JMJD1C: variants seen among roughly 807,000 people sequenced by gnomAD.
The protein encoded by JMJD1C is jumonji domain-containing protein 1C.
Under a neutral mutation model 245.3 loss-of-function variants are expected in JMJD1C, and 31 were observed. That is an observed-to-expected ratio of 0.13 (90% CI 0.09 to 0.17). The LOEUF (loss-of-function observed/expected upper bound fraction) is 0.17, where lower values mean the gene tolerates loss of function less well. Among genes scored for constraint, JMJD1C ranks in the 10% least tolerant of loss-of-function variants. The probability of loss-of-function intolerance (pLI) is 1.00; values close to 1 mark genes in which losing one functional copy is unlikely to be tolerated. For missense variants in JMJD1C, 2,691 were observed against 3,000.2 expected, an observed-to-expected ratio of 0.90 and a Z score of 2.41; for synonymous variants, 1,057 against 1,017.4, an observed-to-expected ratio of 1.04 and a Z score of -0.74.
Position 63,214,683 on chromosome 10 carries a change from G to C in JMJD1C, c.1484C>G (p.Pro495Arg). ...TGGTCTGGATACAAACTTCTCCTTT[G>C]GTAGCAATTCCATGGTATGTGTTTT... ...MDKTHTMELL[P>R]KEKFVSRPPT... is the part of the protein sequence containing the mutation. The change falls in exon 8 of 26, where the codon CCA (proline) becomes CGA (arginine). Residue 495 changes from proline (P) to arginine (R), a missense_variant. By Grantham distance (103) the Pro-to-Arg change is moderately radical. Coordinates refer to ENST00000399262, the MANE Select transcript of JMJD1C (RefSeq NM_032776.3). 6.2e-7 allele frequency: 1 copy of C among 1,613,726 alleles called. No homozygotes were observed. The highest frequency in any genetic ancestry group is 8.5e-7 in the Non-Finnish European group (1 of 1,179,722).
intron 10 of JMJD1C, among the ~76,000 whole-genome samples, chr10:63,200,897 T>C (rs1310501550): frequency 2.6e-5 from 4 of 152,232 alleles, no homozygotes; most frequent in Non-Finnish European, 4.4e-5. Context: ...GAACCACTCT[T>C]ATGTCAGTGT....
At chr10:63,366,820 T>C (rs1482184023) in intron 2 of JMJD1C, among the ~76,000 whole-genome samples, 2 of 152,114 alleles carry the variant, frequency 1.3e-5, no homozygotes, top group African/African-American at 4.8e-5. Flanking sequence ...ACTGGATACA[T>C]AAGAAAATGT....
chr10:63,292,471 C>T (rs887562909), intron 2 of JMJD1C, among the ~76,000 whole-genome samples: 35 of 151,582 alleles, frequency 2.3e-4, no homozygotes, highest in African/African-American at 8.5e-4. Flanking sequence ...ATTAGCTACA[C>T]ATGGTGTTGC....
At chr10:63,190,383 T>C (rs187222564) in intron 17 of JMJD1C, among the ~76,000 whole-genome samples, 14 of 152,064 alleles carry the variant, frequency 9.2e-5, no homozygotes, top group Admixed American at 2.6e-4. Flanking sequence ...TTTGTATTTT[T>C]AGTAGAGACA....
At chr10:63,346,961 C>T (rs764227174) in intron 2 of JMJD1C, among the ~76,000 whole-genome samples, 6 of 152,098 alleles carry the variant, frequency 3.9e-5, no homozygotes, top group Non-Finnish European at 8.8e-5. Flanking sequence ...CCTACACCCC[C>T]GGCCCTCCAT....
intron 3 of JMJD1C, among the ~76,000 whole-genome samples, chr10:63,259,822 G>A (rs919057664): frequency 1.3e-5 from 2 of 152,202 alleles, no homozygotes; most frequent in African/African-American, 4.8e-5. Flanking sequence ...GTAAAGTACT[G>A]TAGTTCAATG....
At chr10:63,425,865 T>C (rs961954884) in intron 1 of JMJD1C, among the ~76,000 whole-genome samples, 2 of 152,182 alleles carry the variant, frequency 1.3e-5, no homozygotes, top group African/African-American at 2.4e-5. Flanking sequence ...TCAACGGAAA[T>C]ATATTCTATG....
intron 10 of JMJD1C, 127 bp downstream of exon 10, chr10:63,206,468 A>G (rs1194413230): frequency 1.7e-5 from 11 of 646,864 alleles, no homozygotes; most frequent in South Asian, 1.7e-4. Context: ...GAGCATATAC[A>G]TAAAGCTAAG....
At chr10:63,398,349 A>T (rs1023612942) in intron 1 of JMJD1C, among the ~76,000 whole-genome samples, 2 of 152,052 alleles carry the variant, frequency 1.3e-5, no homozygotes, top group Admixed American at 6.5e-5. Context: ...TTTCTCCCAT[A>T]CAGCCTTCAA....
chr10:63,264,404 T>C (rs1207674238), intron 3 of JMJD1C, among the ~76,000 whole-genome samples: 1 of 152,184 alleles, frequency 6.6e-6, no homozygotes, highest in African/African-American at 2.4e-5. Flanking sequence ...ATACTTTATT[T>C]TGTTTACTTC....
At chr10:63,246,098 G>C (rs1470143801) in intron 3 of JMJD1C, among the ~76,000 whole-genome samples, 1 of 152,086 alleles carries the variant, frequency 6.6e-6, no homozygotes, top group African/African-American at 2.4e-5. Context: ...TACCTAAAAA[G>C]ACCAAATCTA....
At chr10:63,209,919 A>G (rs1847122887) in intron 8 of JMJD1C, among the ~76,000 whole-genome samples, 1 of 152,212 alleles carries the variant, frequency 6.6e-6, no homozygotes, top group Non-Finnish European at 1.5e-5. Flanking sequence ...GGATTTTTCT[A>G]TATTCTGACT....
intron 1 of JMJD1C, among the ~76,000 whole-genome samples, chr10:63,490,492 C>T (rs1424695177): frequency 2.0e-5 from 3 of 151,552 alleles, no homozygotes; most frequent in East Asian, 3.9e-4. Context: ...CTTGGCTCCC[C>T]GCAACCTCCG....
At chr10:63,189,511 CACAGACTTATTTTTTTTTAA>C in intron 17 of JMJD1C, 65 bp from the exon 18 acceptor site, 1 of 1,380,622 alleles carries the variant, frequency 7.2e-7, no homozygotes, top group South Asian at 1.4e-5. Context: ...ATTTTCCTCC[CACAGACTTATTTTTTTTTAA>C]ACAATATCCC....
chr10:63,420,639 C>T (rs903718663), intron 1 of JMJD1C, among the ~76,000 whole-genome samples: 1 of 147,176 alleles, frequency 6.8e-6, no homozygotes, highest in Non-Finnish European at 1.5e-5. Context: ...GCAGGAGGAT[C>T]ACTTGAGCCC....
chr10:63,193,161 T>A lies in JMJD1C; in HGVS notation c.5863-10A>T. 2 of 1,597,206 alleles carry A rather than the reference T, an allele frequency of 1.3e-6. No homozygotes were observed. Among genetic ancestry groups the A allele is most frequent in the Non-Finnish European group, 1.7e-6 (2 of 1,166,554 alleles). ...GAACATTCTGTAAAACCTACAAAGG[T>A]AGAACAATTACATTTTTAAACACTT... On this transcript the variant is annotated splice_polypyrimidine_tract_variant and intron_variant, in intron 15 of 25. Coordinates refer to ENST00000399262, the MANE Select transcript of JMJD1C (RefSeq NM_032776.3).
At chr10:63,340,406 G>A (rs1342395791) in intron 2 of JMJD1C, among the ~76,000 whole-genome samples, 2 of 152,114 alleles carry the variant, frequency 1.3e-5, no homozygotes, top group Non-Finnish European at 2.9e-5. Flanking sequence ...ATTGCTCACT[G>A]TGTGTGTGTG....
intron 2 of JMJD1C, among the ~76,000 whole-genome samples, chr10:63,336,889 G>C (rs1257667215): frequency 6.6e-6 from 1 of 151,930 alleles, no homozygotes; most frequent in Non-Finnish European, 1.5e-5. Flanking sequence ...TGTTGCCCCT[G>C]GAGTGCAGTT....
chr10:63,263,512 C>T (rs921027581), intron 3 of JMJD1C, among the ~76,000 whole-genome samples: 1 of 152,168 alleles, frequency 6.6e-6, no homozygotes, highest in Non-Finnish European at 1.5e-5. Context: ...TAACTTTTTA[C>T]TCCATTAGAA....
Sources: allele counts gnomAD v4.1 joint callset (sites outside exome capture counted in the v4.1 genomes callset), GRCh38; gene constraint gnomAD v4.1.1; transcripts MANE v1.5; gene names NCBI Gene and HGNC (gene_info 2026-07-23, HGNC 2026-07-21).